The following SULF2 variants were observed in gnomAD, a reference collection of about 807,000 sequenced individuals.
SULF2 encodes the protein extracellular sulfatase Sulf-2.
Under a neutral mutation model 107.7 loss-of-function variants are expected in SULF2, and 52 were observed. That is an observed-to-expected ratio of 0.48 (90% CI 0.39 to 0.61). SULF2 has a LOEUF of 0.61. SULF2 is among the 20% of genes least tolerant of loss of function. The pLI, the probability that SULF2 is intolerant of heterozygous loss-of-function variation, is 0.00. For missense variants in SULF2, 993 were observed against 1,177.3 expected (o/e 0.84, Z 2.29); for synonymous variants, 460 against 464.3 (o/e 0.99, Z 0.12).
intron 3 of SULF2, among the ~76,000 whole-genome samples, chr20:47,713,265 G>C (rs1465706262): frequency 6.6e-6 from 1 of 152,102 alleles, no homozygotes; most frequent in Non-Finnish European, 1.5e-5. Flanking sequence ...CGGGGTGGGG[G>C]AATGTGCTAC....
chr20:47,727,652 C>T (rs959731238), intron 3 of SULF2, among the ~76,000 whole-genome samples: 6 of 152,172 alleles, frequency 3.9e-5, no homozygotes, highest in African/African-American at 1.4e-4. Flanking sequence ...TCTTACGGCG[C>T]AGGGAACCTC....
intron 18 of SULF2, among the ~76,000 whole-genome samples, chr20:47,660,149 C>T (rs999549170): frequency 4.6e-5 from 7 of 152,150 alleles, no homozygotes; most frequent in East Asian, 1.9e-4. Flanking sequence ...GCGTGGGCTC[C>T]GGGGTCAGCC....
At chr20:47,783,055 T>C (rs1173849635) in intron 1 of SULF2, among the ~76,000 whole-genome samples, 1 of 152,208 alleles carries the variant, frequency 6.6e-6, no homozygotes. Context: ...CTGTGCCTGT[T>C]TCCTCATCTT....
chr20:47,663,907 C>T (rs548704521), intron 15 of SULF2, among the ~76,000 whole-genome samples: 145 of 152,324 alleles, frequency 9.5e-4, no homozygotes, highest in South Asian at 1.0e-3. Flanking sequence ...TTCCTGTGTC[C>T]TGCCCTGCTT....
chr20:47,736,639 C>T (rs2089736499), intron 3 of SULF2, 64 bp downstream of exon 3: 3 of 1,598,908 alleles, frequency 1.9e-6, no homozygotes, highest in Non-Finnish European at 2.6e-6. Context: ...GTGTGCAGAC[C>T]ACACCTAGGG....
At chr20:47,736,987 G>GCGGCAC in intron 2 of SULF2, 45 bp from the exon 3 acceptor site, 1 of 1,609,408 alleles carries the variant, frequency 6.2e-7, no homozygotes, top group Non-Finnish European at 8.5e-7. Flanking sequence ...GGAGACCCGG[G>GCGGCAC]CGGCACCGGC....
intron 2 of SULF2, among the ~76,000 whole-genome samples, chr20:47,745,732 G>A (rs2090020894): frequency 6.6e-6 from 1 of 151,724 alleles, no homozygotes; most frequent in South Asian, 2.1e-4. Flanking sequence ...GTTTCACCAT[G>A]TTAGCCAGGC....
intron 1 of SULF2, among the ~76,000 whole-genome samples, chr20:47,782,756 A>G (rs1331374596): frequency 6.6e-6 from 1 of 152,126 alleles, no homozygotes; most frequent in African/African-American, 2.4e-5. Context: ...TAAGCAGAAG[A>G]AAAAGCACCA....
chr20:47,700,929 A>C (rs147488655), intron 4 of SULF2, among the ~76,000 whole-genome samples: 1,752 of 152,310 alleles, frequency 0.012, 33 homozygotes, highest in African/African-American at 0.04. Flanking sequence ...TACAGGTGTG[A>C]GCCACTGCGC....
chr20:47,704,623 T>C (rs2088670642), intron 3 of SULF2, among the ~76,000 whole-genome samples: 1 of 152,192 alleles, frequency 6.6e-6, no homozygotes, highest in African/African-American at 2.4e-5. Flanking sequence ...ATTTAAGAAA[T>C]GGGAAAATTT....
At chr20:47,695,013 G>C (rs1434544361) in intron 4 of SULF2, among the ~76,000 whole-genome samples, 2 of 152,082 alleles carry the variant, frequency 1.3e-5, no homozygotes, top group African/African-American at 4.8e-5. Flanking sequence ...TTTTCTCCCC[G>C]CCACAGATAA....
chr20:47,737,757 T>TTG (rs2089776993), intron 2 of SULF2, among the ~76,000 whole-genome samples: 1 of 115,244 alleles, frequency 8.7e-6, no homozygotes, highest in African/African-American at 3.7e-5. Context: ...TTTTCTTTGT[T>TTG]TTTTTTTTTT....
chr20:47,698,103 T>A (rs560687642), intron 4 of SULF2, among the ~76,000 whole-genome samples: 97 of 152,328 alleles, frequency 6.4e-4, no homozygotes, highest in Admixed American at 1.8e-3. Flanking sequence ...CCTGGACCCA[T>A]CAGACTTACA....
Position 47,742,927 on chromosome 20 carries a change from A to ATTTTTTTTTTTTTTTTTTTTT in SULF2, c.176-6006_176-5986dup, listed in dbSNP as rs397837137. On this transcript the variant is annotated intron_variant, in intron 2 of 20. Transcript: ENST00000688720. ...AGGGAGTTTCAGGATTCAAAACATG[A>ATTTTTTTTTTTTTTTTTTTTT]TTTTTTTTTTTTTTTTTTTTTTTTT... is the stretch of plus-strand genomic sequence containing the variant. Among the ~76,000 whole-genome samples the ATTTTTTTTTTTTTTTTTTTTT allele has an allele frequency of 5.0e-5, 5 of 99,452 alleles. 2 individuals carry two copies. Among genetic ancestry groups the ATTTTTTTTTTTTTTTTTTTTT allele is most frequent in the African/African-American group, 7.6e-5 (2 of 26,164 alleles). The allele number at this position is 99,452 out of a possible 152,430, so 65.2% of individuals were successfully genotyped here. A position where few individuals can be genotyped will look rare whatever the true frequency, so the allele number is the denominator to read the frequency against.
chr20:47,664,637 A>G (rs1020568503), intron 14 of SULF2, among the ~76,000 whole-genome samples: 1 of 152,212 alleles, frequency 6.6e-6, no homozygotes, highest in Non-Finnish European at 1.5e-5. Flanking sequence ...CTTTCTGGAA[A>G]GACAGCAGGG....
intron 3 of SULF2, among the ~76,000 whole-genome samples, chr20:47,719,096 T>C (rs964001716): frequency 2.0e-5 from 3 of 152,256 alleles, no homozygotes; most frequent in Non-Finnish European, 4.4e-5. Context: ...ACGGATATTT[T>C]CATATCACAT....
chr20:47,696,545 C>G (rs551038440), intron 4 of SULF2, among the ~76,000 whole-genome samples: 4 of 152,124 alleles, frequency 2.6e-5, no homozygotes, highest in Non-Finnish European at 5.9e-5. Flanking sequence ...ATTTATCTAT[C>G]TGACAAATAC....
intron 2 of SULF2, among the ~76,000 whole-genome samples, chr20:47,750,101 C>A (rs2090129071): frequency 6.6e-6 from 1 of 152,232 alleles, no homozygotes; most frequent in African/African-American, 2.4e-5. Flanking sequence ...CCTGCCTCAG[C>A]CTCCCGAGTA....
chr20:47,771,477 C>G (rs1453439192), intron 1 of SULF2, among the ~76,000 whole-genome samples: 2 of 152,156 alleles, frequency 1.3e-5, no homozygotes, highest in Admixed American at 1.3e-4. Flanking sequence ...CCTAACAAAC[C>G]CAGAAAACCC....
Sources: gnomAD v4.1 joint callset for allele counts (sites outside exome capture counted in the v4.1 genomes callset) on GRCh38, gnomAD v4.1.1 for gene constraint, MANE v1.5 for transcripts, NCBI Gene and HGNC (gene_info 2026-07-23, HGNC 2026-07-21) for gene names.